Variants in PTPRD observed in about 807,000 individuals in gnomAD.
PTPRD encodes the protein protein tyrosine phosphatase receptor type D.
PTPRD carries 34 observed loss-of-function variants against 214.5 expected under a neutral mutation model. The ratio of observed to expected loss-of-function variants is 0.16; its 90% CI spans 0.12 to 0.21. The LOEUF (loss-of-function observed/expected upper bound fraction) is 0.21, where lower values mean the gene tolerates loss of function less well. Among genes scored for constraint, PTPRD ranks in the 10% least tolerant of loss-of-function variants. The pLI, the probability that PTPRD is intolerant of heterozygous loss-of-function variation, is 1.00. For synonymous variants in PTPRD, 1,128 were observed against 845.7 expected (o/e 1.33, Z -5.79); for missense variants, 2,545 against 2,398.7 (o/e 1.06, Z -1.27).
intron 7 of PTPRD, among the ~76,000 whole-genome samples, chr9:9,655,128 C>A (rs2096476074): frequency 6.6e-6 from 1 of 152,024 alleles, no homozygotes; most frequent in Non-Finnish European, 1.5e-5. Flanking sequence ...TCATAACACA[C>A]ACCTTGTTAT....
intron 3 of PTPRD, among the ~76,000 whole-genome samples, chr9:10,147,708 C>A (rs926480371): frequency 3.3e-5 from 5 of 151,928 alleles, no homozygotes; most frequent in Non-Finnish European, 7.4e-5. Flanking sequence ...GGTAAAACCC[C>A]GTCTCTACTA....
At chr9:8,937,420 A>G (rs774363992) in intron 11 of PTPRD, among the ~76,000 whole-genome samples, 50 of 152,190 alleles carry the variant, frequency 3.3e-4, no homozygotes, top group East Asian at 9.6e-4. Context: ...CAAATTACCT[A>G]TAATCTGCAT....
At chr9:10,460,371 T>A (rs80050926) in intron 2 of PTPRD, among the ~76,000 whole-genome samples, 14,236 of 147,168 alleles carry the variant, frequency 0.097, 1,198 homozygotes, top group African/African-American at 0.22. Context: ...CAAAAATAGA[T>A]AAAAAAACCC....
chr9:8,934,448 AATTTATATATAT>A (rs2098977605), intron 11 of PTPRD, among the ~76,000 whole-genome samples: 1 of 14,638 alleles, frequency 6.8e-5, no homozygotes, highest in African/African-American at 2.6e-4. Flanking sequence ...TATATATATA[AATTTATATATAT>A]ATAAATATAT....
intron 9 of PTPRD, among the ~76,000 whole-genome samples, chr9:9,277,814 A>G (rs1050596749): frequency 3.3e-5 from 5 of 151,382 alleles, no homozygotes; most frequent in African/African-American, 1.2e-4. Flanking sequence ...CTCTCAAACT[A>G]AACTTTATAA....
intron 12 of PTPRD, among the ~76,000 whole-genome samples, chr9:8,719,885 A>C (rs139450551): frequency 6.6e-6 from 1 of 152,252 alleles, no homozygotes; most frequent in Non-Finnish European, 1.5e-5. Context: ...CCTTGCATTT[A>C]AAAGTGTGTT....
chr9:9,391,005 T>C (rs948279058), intron 9 of PTPRD, among the ~76,000 whole-genome samples: 9 of 152,178 alleles, frequency 5.9e-5, no homozygotes, highest in African/African-American at 1.9e-4. Flanking sequence ...ATAGTTTTTA[T>C]TGTGAGATGC....
intron 10 of PTPRD, among the ~76,000 whole-genome samples, chr9:9,107,848 C>T (rs1411466001): frequency 6.6e-6 from 1 of 152,166 alleles, no homozygotes; most frequent in Admixed American, 6.6e-5. Flanking sequence ...CTTCAGACTA[C>T]CATGCCAACT....
At chr9:10,509,123 T>A (rs552330192) in intron 2 of PTPRD, among the ~76,000 whole-genome samples, 11 of 152,230 alleles carry the variant, frequency 7.2e-5, no homozygotes, top group African/African-American at 2.6e-4. Context: ...TAAATATCTA[T>A]GCACATATTA....
intron 11 of PTPRD, among the ~76,000 whole-genome samples, chr9:8,825,167 G>C (rs2097150779): frequency 6.6e-6 from 1 of 152,158 alleles, no homozygotes; most frequent in Non-Finnish European, 1.5e-5. Flanking sequence ...TTCTGGACCT[G>C]TTAGAAAGTG....
At chr9:8,989,549 T>C (rs1296761968) in intron 11 of PTPRD, among the ~76,000 whole-genome samples, 1 of 152,134 alleles carries the variant, frequency 6.6e-6, no homozygotes, top group African/African-American at 2.4e-5. Flanking sequence ...ATTCCTCCTA[T>C]GGCTGAATAA....
intron 7 of PTPRD, among the ~76,000 whole-genome samples, chr9:9,705,927 C>T (rs1481054451): frequency 1.3e-5 from 2 of 152,072 alleles, no homozygotes; most frequent in Non-Finnish European, 2.9e-5. Flanking sequence ...ATGTATTAGG[C>T]ATCAAAGTGC....
chr9:10,004,737 A>G (rs1461223972), intron 4 of PTPRD, among the ~76,000 whole-genome samples: 1 of 152,104 alleles, frequency 6.6e-6, no homozygotes, highest in Non-Finnish European at 1.5e-5. Context: ...ACTTTATAAA[A>G]TCAATGGTTC....
intron 9 of PTPRD, among the ~76,000 whole-genome samples, chr9:9,391,057 T>C (rs757390529): frequency 5.9e-5 from 9 of 152,312 alleles, no homozygotes; most frequent in Non-Finnish European, 1.2e-4. Flanking sequence ...GAGACTGCAT[T>C]AAGTGCACTA....
chr9:10,494,049 G>A (rs2041239324), intron 2 of PTPRD, among the ~76,000 whole-genome samples: 1 of 151,754 alleles, frequency 6.6e-6, no homozygotes, highest in Non-Finnish European at 1.5e-5. Flanking sequence ...TAACACGCTG[G>A]GATTTGTGAG....
At chr9:8,992,141 C>A (rs904591016) in intron 11 of PTPRD, among the ~76,000 whole-genome samples, 2 of 151,958 alleles carry the variant, frequency 1.3e-5, no homozygotes, top group Admixed American at 1.3e-4. Flanking sequence ...TTATGACAGA[C>A]AAATTTGCTG....
At chr9:8,801,359 G>C (rs2096567085) in intron 11 of PTPRD, among the ~76,000 whole-genome samples, 1 of 152,142 alleles carries the variant, frequency 6.6e-6, no homozygotes, top group Admixed American at 6.5e-5. Context: ...CTGATGTTTA[G>C]GTAACATTTC....
rs1241634553 is a variant in PTPRD at position 8,517,973 on chromosome 9, T to C, written c.1418A>G (p.Asp473Gly). 6.2e-7 allele frequency: 1 copy of C among 1,614,102 alleles called. No individual in the cohort carries two copies. Among genetic ancestry groups the C allele is most frequent in the African/African-American group, 1.3e-5 (1 of 74,946 alleles). Residue 473 changes from aspartate (D) to glycine (G), a missense_variant, in exon 21 of 46, where the codon GAC (aspartate) becomes GGC (glycine). Transcript: ENST00000381196. Reference sequence around the variant, plus strand: ...GTTGCCAATAGTAGTGATTTGGCTGTCAGCTACATTGTGTTTCATCCAGTT... The same window carrying C: ...GTTGCCAATAGTAGTGATTTGGCTGCCAGCTACATTGTGTTTCATCCAGTT... ...VNNWMKHNVA[D>G]SQITTIGNLV...
intron 2 of PTPRD, among the ~76,000 whole-genome samples, chr9:10,347,611 A>T (rs2097109252): frequency 6.6e-6 from 1 of 151,698 alleles, no homozygotes; most frequent in Non-Finnish European, 1.5e-5. Flanking sequence ...GGGTTTCTCC[A>T]TGTTGGTCAG....
Sources: allele counts gnomAD v4.1 joint callset (sites outside exome capture counted in the v4.1 genomes callset), GRCh38; gene constraint gnomAD v4.1.1; transcripts MANE v1.5; gene names NCBI Gene and HGNC (gene_info 2026-07-23, HGNC 2026-07-21).